Variants in ADGRF3 observed in about 807,000 individuals in gnomAD.
ADGRF3 encodes the protein G protein-coupled receptor 113.
ADGRF3 carries 85 observed loss-of-function variants against 93.2 expected under a neutral mutation model. The observed-to-expected ratio is 0.91, with a 90% confidence interval of 0.77 to 1.09. ADGRF3 has a LOEUF of 1.09. Among genes scored for constraint, ADGRF3 ranks in the 50% least tolerant of loss-of-function variants. The pLI, the probability that ADGRF3 is intolerant of heterozygous loss-of-function variation, is 0.00. For synonymous variants in ADGRF3, 534 were observed against 532.5 expected (o/e 1.00, Z -0.04); for missense variants, 1,125 against 1,246.2 (o/e 0.90, Z 1.46).
At chr2:26,334,940 AT>A (rs143095778) in intron 1 of ADGRF3, among the ~76,000 whole-genome samples, 1,946 of 152,262 alleles carry the variant, frequency 0.013, 36 homozygotes, top group African/African-American at 0.043. Context: ...CAATAAATAC[AT>A]TTTTAGTTGT....
intron 1 of ADGRF3, 32 bp downstream of exon 1, chr2:26,346,089 C>CGTGCGCGGTGGGCG (rs1222837582): frequency 6.5e-7 from 1 of 1,548,544 alleles, no homozygotes; most frequent in Non-Finnish European, 8.7e-7. Flanking sequence ...GGCGGCTACG[C>CGTGCGCGGTGGGCG]GTGCGCGGTG....
Position 26,344,037 on chromosome 2 carries a change from A to G in ADGRF3, c.114+2084T>C, listed in dbSNP as rs1050006239. ...ATCATGTCATTTTGAGTTTGCTTAT[A>G]TCTGAACTGATAAACAATAAGTGCA... is the stretch of plus-strand genomic sequence containing the variant. On this transcript the variant is annotated intron_variant, in intron 1 of 13. Transcript: ENST00000651242. Among the ~76,000 whole-genome samples the G allele has an allele frequency of 2.0e-5, 3 of 152,108 alleles. No individual in the cohort carries two copies. The East Asian group carries it at 5.8e-4, about 29-fold the overall frequency.
intron 1 of ADGRF3, 172 bp downstream of exon 1, chr2:26,345,949 C>G: frequency 1.6e-6 from 1 of 640,126 alleles, no homozygotes; most frequent in Admixed American, 3.0e-5. Context: ...TTAGTGTTGC[C>G]TGATCCACGC....
chr2:26,308,870 A>C lies in ADGRF3; in HGVS notation c.*216T>G, dbSNP rs1320527322. The C allele has an allele frequency of 1.8e-6, 1 of 547,896 alleles. No homozygotes were observed. Among genetic ancestry groups the C allele is most frequent in the African/African-American group, 1.9e-5 (1 of 52,816 alleles). The allele number at this position is 547,896 out of a possible 1,614,324, so 33.9% of individuals were successfully genotyped here. On this transcript the variant is annotated 3_prime_UTR_variant, in exon 14 of 14. Coordinates refer to ENST00000651242, the MANE Select transcript of ADGRF3 (RefSeq NM_001321971.2). ...GCAGGCTTATTCATTAGGTGCCTTT[A>C]GCTAATTTTTCCTGCTATTCTTGCT...
chr2:26,329,066 G>A (rs190687626), intron 1 of ADGRF3, among the ~76,000 whole-genome samples: 1 of 152,344 alleles, frequency 6.6e-6, no homozygotes, highest in East Asian at 1.9e-4. Flanking sequence ...GTAATCACAA[G>A]GGTCCTTGTA....
chr2:26,314,281 C>G lies in ADGRF3; in HGVS notation c.928+133G>C. Reference sequence around the variant, plus strand: ...GGCATGGCTCTGATGGGGTAGAAAACAGTGTTGGCCTTGGACCCCACTCTC... The same window carrying G: ...GGCATGGCTCTGATGGGGTAGAAAAGAGTGTTGGCCTTGGACCCCACTCTC... On this transcript the variant is annotated intron_variant, in intron 6 of 13. Coordinates refer to ENST00000651242, the MANE Select transcript of ADGRF3 (RefSeq NM_001321971.2). 4.9e-6 allele frequency: 4 copies of G among 818,262 alleles called. No homozygotes were observed. In the East Asian group the frequency reaches 1.1e-4, roughly 22 times the overall value. The allele number at this position is 818,262 out of a possible 1,614,324, so 50.7% of individuals were successfully genotyped here.
chr2:26,309,917 A>G lies in ADGRF3; in HGVS notation c.2937+126T>C, dbSNP rs115283105. On this transcript the variant is annotated intron_variant, in intron 12 of 13. Coordinates refer to ENST00000651242, the MANE Select transcript of ADGRF3 (RefSeq NM_001321971.2). ...GGGAGCTGGAACCGGAAAACTGTTC[A>G]TTCTAAAAAACAACCCCAATCTTCT... 2.5e-4 allele frequency: 397 copies of G among 1,596,034 alleles called. 2 individuals carry two copies. The African/African-American group carries it at 4.7e-3, about 19-fold the overall frequency.
At chr2:26,330,213 C>T (rs752545165) in intron 1 of ADGRF3, among the ~76,000 whole-genome samples, 3 of 152,156 alleles carry the variant, frequency 2.0e-5, no homozygotes, top group Non-Finnish European at 2.9e-5. Flanking sequence ...CAGTGGCCGG[C>T]CCGGGACCTG....
chr2:26,317,047 G>A lies in ADGRF3; in HGVS notation c.190C>T (p.Leu64=). ...DQENGAGESA[L]VSVYVHLDFP... ...TCCAGATGTACATAGACGGAGACCA[G>A]CGCTGATTCTACAGGAGCAGAGGGG... Residue 64 remains leucine (L), a synonymous_variant, in exon 3 of 14, where the codon CTG becomes TTG. Transcript: ENST00000651242. The A allele has an allele frequency of 6.2e-7, 1 of 1,610,780 alleles. No individual in the cohort carries two copies. The highest frequency in any genetic ancestry group is 8.5e-7 in the Non-Finnish European group (1 of 1,178,714).
intron 6 of ADGRF3, 41 bp downstream of exon 6, chr2:26,314,373 C>G: frequency 6.4e-7 from 1 of 1,571,258 alleles, no homozygotes; most frequent in Non-Finnish European, 8.7e-7. Flanking sequence ...ACAGCTGCCC[C>G]CTGGTCCCTC....
intron 1 of ADGRF3, chr2:26,318,061 G>A (rs1259991251): frequency 1.3e-6 from 2 of 1,551,422 alleles, no homozygotes; most frequent in Admixed American, 2.0e-5. Flanking sequence ...CACATTGTCT[G>A]GCCCTTGGGC....
rs1029302213 is a variant in ADGRF3, at chr2:26,346,568, T to A, written c.-334A>T. 18 of 317,262 alleles carry A rather than the reference T, an allele frequency of 5.7e-5. No homozygotes were observed. Among genetic ancestry groups the A allele is most frequent in the African/African-American group, 2.6e-4 (12 of 45,852 alleles). The allele number at this position is 317,262 out of a possible 1,614,324, so 19.7% of individuals were successfully genotyped here. ...GAGGGAATTCCCTTCCTATTTTTTT[T>A]AAACTTATTATTTTCGTAAGCCCCC... On this transcript the variant is annotated 5_prime_UTR_variant, in exon 1 of 14. Coordinates refer to ENST00000651242, the MANE Select transcript of ADGRF3 (RefSeq NM_001321971.2).
At chr2:26,340,247 G>T (rs1046749361) in intron 1 of ADGRF3, 5 of 152,236 alleles carry the variant, frequency 3.3e-5, no homozygotes, top group African/African-American at 1.2e-4. Context: ...ACATGTCAAG[G>T]AAAAAGTGAA....
intron 1 of ADGRF3, among the ~76,000 whole-genome samples, chr2:26,328,944 T>C (rs923358974): frequency 9.8e-5 from 15 of 152,322 alleles, no homozygotes; most frequent in African/African-American, 3.6e-4. Flanking sequence ...CATGTGCAAA[T>C]CCCTAGAACT....
Position 26,310,157 on chromosome 2 carries a change from G to A in ADGRF3, c.2874+39C>T, listed in dbSNP as rs756306336. 1.9e-6 allele frequency: 3 copies of A among 1,614,006 alleles called. No individual in the cohort carries two copies. The East Asian group carries it at 6.7e-5, about 36-fold the overall frequency. ...ATGCCAGCCACGGCCCCGGCCTGCG[G>A]GCTGCAAGTGAGGCAGGGGGTTAGG... On this transcript the variant is annotated intron_variant, in intron 11 of 13. Transcript: ENST00000651242.
At chr2:26,325,863 A>T (rs1254164771) in intron 1 of ADGRF3, among the ~76,000 whole-genome samples, 2 of 152,356 alleles carry the variant, frequency 1.3e-5, no homozygotes, top group East Asian at 3.9e-4. Context: ...TTTTGGAGGT[A>T]TAGATGACCT....
In ADGRF3 at chr2:26,310,965, C is replaced by A; in HGVS notation, c.2559G>T (p.Gly853=). The A allele has an allele frequency of 6.2e-7, 1 of 1,613,824 alleles. No homozygotes were observed. The highest frequency in any genetic ancestry group is 8.5e-7 in the Non-Finnish European group (1 of 1,179,830). ...CGAAGGTGTATAACGCCCCTCCCTT[C>A]CCATCCAACCAGCATTCCCCCTCCC... The part of the protein sequence containing the change: ...YLREGECWLD[G]KGGALYTFVG... Residue 853 remains glycine, a synonymous_variant, in exon 10 of 14, where the codon GGG becomes GGT. Coordinates refer to ENST00000651242, the MANE Select transcript of ADGRF3 (RefSeq NM_001321971.2).
intron 9 of ADGRF3, 70 bp downstream of exon 9, chr2:26,312,873 A>G (rs2147870507): frequency 7.0e-7 from 1 of 1,426,996 alleles, no homozygotes; most frequent in Non-Finnish European, 9.5e-7. Flanking sequence ...AGGGACAGAA[A>G]TGCCCACAGG....
Position 26,309,705 on chromosome 2 carries a change from A to T in ADGRF3, c.2938-124T>A, listed in dbSNP as rs1005175841. On this transcript the variant is annotated intron_variant, in intron 12 of 13. Coordinates refer to ENST00000651242, the MANE Select transcript of ADGRF3 (RefSeq NM_001321971.2). ...CTGCCTGTGCTGCAGGAATCCTAGA[A>T]ATTTTGCTCTCAGCTACAGTAACTC... The T allele has an allele frequency of 8.6e-6, 12 of 1,397,154 alleles. No individual in the cohort carries two copies. The South Asian group carries it at 1.4e-4, about 16-fold the overall frequency. 86.5% of individuals were successfully genotyped at this position (1,397,154 alleles called of 1,614,324 possible). A position where few individuals can be genotyped will look rare whatever the true frequency, so the allele number is the denominator to read the frequency against.
Sources: allele counts gnomAD v4.1 joint callset (sites outside exome capture counted in the v4.1 genomes callset), GRCh38; gene constraint gnomAD v4.1.1; transcripts MANE v1.5; gene names NCBI Gene and HGNC (gene_info 2026-07-23, HGNC 2026-07-21).